The following FN1 variants were observed in gnomAD, a reference collection of about 807,000 sequenced individuals.
The protein encoded by FN1 is fibronectin.
FN1 carries 106 observed loss-of-function variants against 297.3 expected under a neutral mutation model. The ratio of observed to expected loss-of-function variants is 0.36; its 90% CI spans 0.30 to 0.42. The LOEUF is 0.42. FN1 is among the 10% of genes least tolerant of loss of function. FN1 has a pLI of 1.00. For missense variants in FN1, 2,690 were observed against 3,124.9 expected (o/e 0.86, Z 3.32); for synonymous variants, 1,149 against 1,152.6 (o/e 1.00, Z 0.06).
chr2:215,428,966 G>A (rs978097752), intron 5 of FN1, among the ~76,000 whole-genome samples: 1 of 152,002 alleles, frequency 6.6e-6, no homozygotes, highest in Non-Finnish European at 1.5e-5. Flanking sequence ...AATGAGCTGA[G>A]ATCACACCAT....
rs774731152 is a variant in FN1 at position 215,371,948 on chromosome 2, AATG to A, written c.6672_6674del (p.Ile2225del). The A allele has an allele frequency of 1.2e-6, 2 of 1,614,210 alleles. No homozygotes were observed. Among genetic ancestry groups the A allele is most frequent in the South Asian group, 2.2e-5 (2 of 91,092 alleles). On this transcript the variant is annotated inframe_deletion, in exon 40 of 46. Coordinates refer to ENST00000354785, the MANE Select transcript of FN1 (RefSeq NM_212482.4). ...CATCAGTGCCAACAGGATGACATGA[AATG>A]ATGTACTCAGAAGTGTCCTGGAATG...
intron 6 of FN1, among the ~76,000 whole-genome samples, chr2:215,427,959 C>T (rs917693071): frequency 2.0e-5 from 3 of 151,870 alleles, no homozygotes; most frequent in African/African-American, 7.3e-5. Flanking sequence ...GGCTTTTTTC[C>T]CCCTAAGGTT....
Position 215,386,787 on chromosome 2 carries a change from G to A in FN1, c.4514C>T (p.Thr1505Ile). Residue 1505 changes from threonine to isoleucine, a missense_variant, in exon 28 of 46, where the codon ACC (threonine) becomes ATC (isoleucine). This residue lies in a region of FN1 where 1,743 missense variants were observed against 1,945.2 expected (regional missense o/e 0.90). Transcript: ENST00000354785. ...DRVPHSRNSI[T>I]LTNLTPGTEY... ...TGTGCCTGGAGTGAGGTTGGTGAGG[G>A]TGATGGAATTCCGAGAGTGGGGCAC... is the stretch of plus-strand genomic sequence containing the variant. 6.2e-7 allele frequency: 1 copy of A among 1,613,934 alleles called. No individual in the cohort carries two copies. Among genetic ancestry groups the A allele is most frequent in the Non-Finnish European group, 8.5e-7 (1 of 1,179,970 alleles).
At chr2:215,386,568 ATTTTTTTTTTTTT>A (rs5838504) in intron 28 of FN1, 108 bp downstream of exon 28, 142 of 337,172 alleles carry the variant, frequency 4.2e-4, no homozygotes, top group Non-Finnish European at 5.3e-4. Flanking sequence ...ACAATGATCT[ATTTTTTTTTTTTT>A]TTTTTTTTTT....
chr2:215,364,220 T>A (rs988387331), intron 44 of FN1: 1 of 157,452 alleles, frequency 6.4e-6, no homozygotes. Context: ...CTATACTACT[T>A]AGCACAGTGC....
At chr2:215,432,622 T>C (rs998215009) in intron 3 of FN1, among the ~76,000 whole-genome samples, 6 of 152,212 alleles carry the variant, frequency 3.9e-5, no homozygotes, top group African/African-American at 1.4e-4. Flanking sequence ...TAGAAGTCTT[T>C]AAGACGACTT....
chr2:215,396,288 A>G (rs933310097), intron 23 of FN1, among the ~76,000 whole-genome samples: 4 of 152,198 alleles, frequency 2.6e-5, no homozygotes, highest in African/African-American at 9.6e-5. Context: ...ATTTTTCTCC[A>G]TAGGTTTGTT....
intron 36 of FN1, 132 bp downstream of exon 36, chr2:215,376,366 C>T (rs893497272): frequency 1.1e-5 from 9 of 808,250 alleles, no homozygotes; most frequent in Admixed American, 8.0e-5. Context: ...ATGAAAATAA[C>T]GTTCTAAAAC....
intron 39 of FN1, 48 bp from the exon 40 acceptor site, chr2:215,372,423 A>C: frequency 7.6e-7 from 1 of 1,319,726 alleles, no homozygotes; most frequent in Non-Finnish European, 1.1e-6. Flanking sequence ...ATTAAGCTCC[A>C]GGAAGTAGCA....
chr2:215,435,639 C>T lies in FN1; in HGVS notation c.148+16G>A, dbSNP rs367674539. 143 of 1,613,408 alleles carry T rather than the reference C, an allele frequency of 8.9e-5. 1 individual carries two copies. The highest frequency in any genetic ancestry group is 2.5e-4 in the Admixed American group (15 of 60,018). On this transcript the variant is annotated intron_variant, in intron 1 of 45. Coordinates refer to ENST00000354785, the MANE Select transcript of FN1 (RefSeq NM_212482.4). Reference sequence around the variant, plus strand: ...ATCCCTGAGGCAGCCTGTTTCAGCCCGCGGTCAGTACTCACGCTTGCTTTG... The same window carrying T: ...ATCCCTGAGGCAGCCTGTTTCAGCCTGCGGTCAGTACTCACGCTTGCTTTG...
chr2:215,388,979 T>C (rs1158606076), intron 26 of FN1, among the ~76,000 whole-genome samples: 1 of 152,214 alleles, frequency 6.6e-6, no homozygotes, highest in Non-Finnish European at 1.5e-5. Flanking sequence ...GTCTTAATAA[T>C]TAACCTTTAC....
At chr2:215,420,354 AAAACAAAAAC>A (rs1201193078) in intron 11 of FN1, among the ~76,000 whole-genome samples, 2 of 140,038 alleles carry the variant, frequency 1.4e-5, no homozygotes, top group Admixed American at 7.8e-5. Context: ...AACAAAAACA[AAAACAAAAAC>A]AAACAAAAAA....
In FN1 at chr2:215,364,902, A is replaced by T. The variant is rs769526125; in HGVS notation, c.7228T>A (p.Cys2410Ser). The change falls in exon 44 of 46, where the codon TGC becomes AGC. Residue 2410 changes from cysteine (C) to serine (S), a missense_variant. Physicochemically the swap from Cys to Ser is moderately radical, Grantham distance 112. Around this residue, in one of 3 missense-constraint regions of FN1, gnomAD observed 1,743 missense variants for 1,945.2 expected, o/e 0.90. Transcript: ENST00000354785. ...QKEYLGAICS[C>S]TCFGGQRGWR... The stretch of plus-strand genomic sequence containing the variant: ...ACCCGCTGGCCTCCAAAGCATGTGC[A>T]GGAGCAAATGGCACCGAGATATTCC... 7 of 1,565,434 alleles carry T rather than the reference A, an allele frequency of 4.5e-6. No individual in the cohort carries two copies.
rs149820115 is a variant in FN1 at position 215,386,986 on chromosome 2, GA to G, written c.4343-29del. 1,367 of 1,365,808 alleles carry G rather than the reference GA, an allele frequency of 1.0e-3. No individual in the cohort carries two copies. Among genetic ancestry groups the G allele is most frequent in the Admixed American group, 2.3e-3 (107 of 46,560 alleles). The allele number at this position is 1,365,808 out of a possible 1,614,324, so 84.6% of individuals were successfully genotyped here. On this transcript the variant is annotated intron_variant, in intron 27 of 45. Coordinates refer to ENST00000354785, the MANE Select transcript of FN1 (RefSeq NM_212482.4). ...GTTTTTCCCACCCGGGGGAGGAAGA[GA>G]AAAAAAAAAGAAAAGACACCACCAG...
chr2:215,432,513 C>A (rs2066707209), intron 3 of FN1, among the ~76,000 whole-genome samples: 1 of 152,140 alleles, frequency 6.6e-6, no homozygotes, highest in Non-Finnish European at 1.5e-5. Context: ...CACTATGGAC[C>A]CTTGCCTCTT....
At chr2:215,426,143 C>CTTTTTTTTTT (rs58002948) in intron 6 of FN1, among the ~76,000 whole-genome samples, 2 of 101,078 alleles carry the variant, frequency 2.0e-5, no homozygotes, top group African/African-American at 3.5e-5. Flanking sequence ...TTTCTTTTTT[C>CTTTTTTTTTT]TTTTTTTTTT....
chr2:215,382,419 C>T (rs997178030), intron 31 of FN1, 94 bp from the exon 32 acceptor site: 3 of 775,880 alleles, frequency 3.9e-6, no homozygotes, highest in African/African-American at 3.4e-5. Context: ...CATATGGTGG[C>T]CTAGAATTTT....
At chr2:215,420,368 C>CAA (rs11411384) in intron 11 of FN1, among the ~76,000 whole-genome samples, 38 of 143,874 alleles carry the variant, frequency 2.6e-4, no homozygotes, top group East Asian at 1.6e-3. Flanking sequence ...CAAAAACAAA[C>CAA]AAAAAAAAAA....
At chr2:215,374,501 A>G (rs2056889360) in intron 38 of FN1, among the ~76,000 whole-genome samples, 1 of 152,144 alleles carries the variant, frequency 6.6e-6, no homozygotes, top group Non-Finnish European at 1.5e-5. Flanking sequence ...TTTTGTAAGT[A>G]TCTGGAAGTT....
Sources: allele counts gnomAD v4.1 joint callset (sites outside exome capture counted in the v4.1 genomes callset), GRCh38; gene constraint gnomAD v4.1.1; regional missense constraint gnomAD v4.1.1; transcripts MANE v1.5; gene names NCBI Gene and HGNC (gene_info 2026-07-23, HGNC 2026-07-21).